RAPGEF3: variants seen among roughly 807,000 people sequenced by gnomAD.
The protein encoded by RAPGEF3 is Rap guanine nucleotide exchange factor 3, also known as 9330170P05Rik.
Under a neutral mutation model 129.8 loss-of-function variants are expected in RAPGEF3, and 103 were observed. The ratio of observed to expected loss-of-function variants is 0.79; its 90% CI spans 0.68 to 0.93. The LOEUF (loss-of-function observed/expected upper bound fraction) is 0.93. Ranked by LOEUF, RAPGEF3 falls within the 40% of genes least tolerant of loss-of-function variation. The probability of loss-of-function intolerance (pLI) is 0.00; values close to 1 mark genes in which losing one functional copy is unlikely to be tolerated. For synonymous variants in RAPGEF3, 436 were observed against 482.6 expected, an observed-to-expected ratio of 0.90 and a Z score of 1.26; for missense variants, 1,117 against 1,207.4, an observed-to-expected ratio of 0.93 and a Z score of 1.11.
Position 47,751,151 on chromosome 12 carries a change from C to T in RAPGEF3, c.568G>A (p.Glu190Lys), listed in dbSNP as rs368855605. 1.2e-5 allele frequency: 18 copies of T among 1,559,752 alleles called. No homozygotes were observed. Among genetic ancestry groups the T allele is most frequent in the Middle Eastern group, 3.3e-4 (2 of 6,020 alleles). ...TCCATCTCATGAGTTCTCACGGGCT[C>T]GGGCTCGGGCCCGGGGAACCGGTAG... The part of the protein sequence containing the change: ...QFYRFPGPEP[E>K]PVRTHEMEEE... The change falls in exon 6 of 28, where the codon GAG becomes AAG. Residue 190 changes from glutamate (E) to lysine (K), a missense_variant. Physicochemically the swap from Glu to Lys is moderately conservative, Grantham distance 56 (BLOSUM62 1). Coordinates refer to ENST00000449771, the MANE Select transcript of RAPGEF3 (RefSeq NM_001098531.4).
At chr12:47,738,497 G>A (rs1940937009) in intron 25 of RAPGEF3, among the ~76,000 whole-genome samples, 193 bp downstream of exon 25, 1 of 152,204 alleles carries the variant, frequency 6.6e-6, no homozygotes, top group South Asian at 2.1e-4. Context: ...TCGTTGAATG[G>A]TGAGACGTCT....
At position 47,748,240 on chromosome 12, in the gene RAPGEF3, C is replaced by T. The variant is rs949426592; in HGVS notation, c.1244-88G>A. The T allele has an allele frequency of 1.3e-5, 15 of 1,150,286 alleles. No individual in the cohort carries two copies. The East Asian group carries it at 2.6e-4, about 20-fold the overall frequency. The allele number at this position is 1,150,286 out of a possible 1,614,324, so 71.3% of individuals were successfully genotyped here. A position where few individuals can be genotyped will look rare whatever the true frequency, so the allele number is the denominator to read the frequency against. On this transcript the variant is annotated intron_variant, in intron 12 of 27. Coordinates refer to ENST00000449771, the MANE Select transcript of RAPGEF3 (RefSeq NM_001098531.4). ...TATGGACAGCTGGAAGGACCCTTCCCCACATCCCACCACCTGCAAGGTCCC... is the reference window on the plus strand; with the variant it reads ...TATGGACAGCTGGAAGGACCCTTCCTCACATCCCACCACCTGCAAGGTCCC...
chr12:47,758,432 C>T, intron 1 of RAPGEF3, 119 bp downstream of exon 1: 18 of 1,561,886 alleles, frequency 1.2e-5, no homozygotes, highest in Non-Finnish European at 1.6e-5. Flanking sequence ...GGCTTAAACC[C>T]TTCTCCTCTC....
chr12:47,749,459 G>A lies in RAPGEF3; in HGVS notation c.972C>T (p.Thr324=), dbSNP rs762638221. The stretch of plus-strand genomic sequence containing the variant: ...GACAGTTGTCTTCTCGCAGGATGAT[G>A]GTGGCTGCCCGGGGTGCATCATTCA... ...ALVNDAPRAA[T]IILREDNCHF... is the part of the protein sequence containing the mutation. Residue 324 remains threonine, a synonymous_variant, in exon 10 of 28, where the codon ACC becomes ACT. Coordinates refer to ENST00000449771, the MANE Select transcript of RAPGEF3 (RefSeq NM_001098531.4). This position sits in a 1 kb window ranked among gnomAD's most constrained non-coding sequence, Gnocchi z 4.5. 17 of 1,613,250 alleles carry A rather than the reference G, an allele frequency of 1.1e-5. No homozygotes were observed. Among genetic ancestry groups the A allele is most frequent in the Non-Finnish European group, 1.4e-5 (17 of 1,180,034 alleles).
intron 2 of RAPGEF3, among the ~76,000 whole-genome samples, chr12:47,757,546 C>T (rs960267689): frequency 2.0e-5 from 3 of 152,196 alleles, no homozygotes; most frequent in Non-Finnish European, 1.5e-5. Flanking sequence ...CCTCCCACCT[C>T]CACCTGGAAA....
intron 1 of RAPGEF3, 183 bp downstream of exon 1, chr12:47,758,368 C>T: frequency 2.0e-6 from 3 of 1,480,412 alleles, no homozygotes; most frequent in Middle Eastern, 3.6e-4. Flanking sequence ...GGGATCTCCA[C>T]TACCTCCCAG....
intron 24 of RAPGEF3, 166 bp downstream of exon 24, chr12:47,738,977 T>A (rs1940968563): frequency 1.4e-6 from 1 of 706,078 alleles, no homozygotes. Flanking sequence ...AACTCCTAAT[T>A]CATCTCTGCA....
Position 47,758,756 on chromosome 12 carries a change from A to T in RAPGEF3, c.-200T>A. 3.9e-5 allele frequency: 41 copies of T among 1,045,644 alleles called. No homozygotes were observed. The highest frequency in any genetic ancestry group is 4.1e-4 in the Middle Eastern group (1 of 2,432). 64.8% of individuals were successfully genotyped at this position (1,045,644 alleles called of 1,614,324 possible). On this transcript the variant is annotated 5_prime_UTR_variant, in exon 1 of 28. Transcript: ENST00000449771. ...TCGGTGGAGAGGCTCCTCTTGGGTGAGTAGAGGGGTGGGGGCGTGGTGGGG... is the reference window on the plus strand; with the variant it reads ...TCGGTGGAGAGGCTCCTCTTGGGTGTGTAGAGGGGTGGGGGCGTGGTGGGG...
chr12:47,741,403 G>A (rs1438559542), intron 19 of RAPGEF3, 102 bp downstream of exon 19: 21 of 1,143,288 alleles, frequency 1.8e-5, no homozygotes, highest in Non-Finnish European at 2.5e-5. Flanking sequence ...CCAGAGCCAG[G>A]CCCCTCCTCC....
At chr12:47,742,838 T>C (rs1941236919) in intron 18 of RAPGEF3, among the ~76,000 whole-genome samples, 2 of 152,224 alleles carry the variant, frequency 1.3e-5, no homozygotes, top group Admixed American at 1.3e-4. Context: ...CCACCGTCTA[T>C]GCTCTTAACC....
chr12:47,751,567 G>T, intron 4 of RAPGEF3, 47 bp from the exon 5 acceptor site: 1 of 1,612,510 alleles, frequency 6.2e-7, no homozygotes, highest in Non-Finnish European at 8.5e-7. Flanking sequence ...GGGTGGCAGG[G>T]AGAGGGAGGA....
chr12:47,758,306 C>T (rs1592588270), intron 1 of RAPGEF3: 1 of 1,432,712 alleles, frequency 7.0e-7, no homozygotes, highest in East Asian at 2.5e-5. Flanking sequence ...AGATCAGGCC[C>T]TTCTTAGTCC....
chr12:47,740,227 G>A (rs755717066), intron 22 of RAPGEF3, 36 bp from the exon 23 acceptor site: 14 of 1,613,072 alleles, frequency 8.7e-6, no homozygotes, highest in Non-Finnish European at 1.2e-5. Context: ...CTGCTCTGGG[G>A]GAGGCCCAGC....
chr12:47,749,830 T>G lies in RAPGEF3; in HGVS notation c.818-13A>C. ...CCCTGGCTGAACACTGACAGAAGCA[T>G]ACCTCAGACCGGGCCCTCCTGGCAC... On this transcript the variant is annotated splice_polypyrimidine_tract_variant and intron_variant, in intron 8 of 27. Coordinates refer to ENST00000449771, the MANE Select transcript of RAPGEF3 (RefSeq NM_001098531.4). The surrounding 1 kb of genome is among the most constrained non-coding windows in gnomAD (Gnocchi z 4.5). The G allele has an allele frequency of 6.2e-7, 1 of 1,614,172 alleles. No individual in the cohort carries two copies. The highest frequency in any genetic ancestry group is 1.1e-5 in the South Asian group (1 of 91,090).
rs749509716 is a variant in RAPGEF3 at position 47,746,910 on chromosome 12, G to C, written c.1557-11C>G. On this transcript the variant is annotated splice_polypyrimidine_tract_variant and intron_variant, in intron 15 of 27. Coordinates refer to ENST00000449771, the MANE Select transcript of RAPGEF3 (RefSeq NM_001098531.4). Reference sequence around the variant, plus strand: ...CAGCCATTCTCCAACCTGCAGACAAGAGAGAAGGGAGGTGAGTGAGCCCAG... The same window carrying C: ...CAGCCATTCTCCAACCTGCAGACAACAGAGAAGGGAGGTGAGTGAGCCCAG... 1.9e-6 allele frequency: 3 copies of C among 1,603,872 alleles called. No homozygotes were observed. Among genetic ancestry groups the C allele is most frequent in the East Asian group, 4.5e-5 (2 of 44,732 alleles).
At chr12:47,747,502 G>T (rs373130193) in intron 15 of RAPGEF3, 42 bp downstream of exon 15, 8 of 1,594,216 alleles carry the variant, frequency 5.0e-6, no homozygotes, top group East Asian at 4.5e-5. Context: ...CCATGGCACT[G>T]CCAGTTATGG....
At chr12:47,755,523 C>T (rs544064478) in intron 2 of RAPGEF3, among the ~76,000 whole-genome samples, 13 of 152,210 alleles carry the variant, frequency 8.5e-5, no homozygotes, top group Non-Finnish European at 1.9e-4. Flanking sequence ...TCACTCTGAT[C>T]TTGCCCCTGC....
chr12:47,751,308 C>G, intron 5 of RAPGEF3, 91 bp downstream of exon 5: 1 of 1,578,082 alleles, frequency 6.3e-7, no homozygotes, highest in Non-Finnish European at 8.6e-7. Flanking sequence ...TCAGCACTCC[C>G]CAAGTAGTGC....
At chr12:47,743,931 G>T (rs866483518) in intron 17 of RAPGEF3, 56 bp downstream of exon 17, 1 of 1,513,882 alleles carries the variant, frequency 6.6e-7, no homozygotes, top group Middle Eastern at 2.1e-4. Flanking sequence ...GACAAGAGAG[G>T]CAGAGACAGC....
Sources: allele counts gnomAD v4.1 joint callset (sites outside exome capture counted in the v4.1 genomes callset), GRCh38; gene constraint gnomAD v4.1.1; non-coding constraint Gnocchi (gnomAD v3.1); transcripts MANE v1.5; gene names NCBI Gene and HGNC (gene_info 2026-07-23, HGNC 2026-07-21).